Variants in SPC24 observed in about 807,000 individuals in gnomAD.
SPC24 encodes SPC24 component of NDC80 kinetochore complex.
SPC24 carries 31 observed loss-of-function variants against 27.6 expected under a neutral mutation model. That is an observed-to-expected ratio of 1.12 (90% CI 0.84 to 1.52). SPC24 has a LOEUF of 1.52. Among genes scored for constraint, SPC24 ranks in the 40% most tolerant of loss-of-function variants. The pLI, the probability that SPC24 is intolerant of heterozygous loss-of-function variation, is 0.00. For missense variants in SPC24, 284 were observed against 252.5 expected, an observed-to-expected ratio of 1.12 and a Z score of -0.84; for synonymous variants, 105 against 105.8, an observed-to-expected ratio of 0.99 and a Z score of 0.05.
intron 1 of SPC24, among the ~76,000 whole-genome samples, chr19:11,154,254 T>C (rs749200525): frequency 6.6e-6 from 1 of 151,792 alleles, no homozygotes; most frequent in Non-Finnish European, 1.5e-5. Context: ...TGGACGGAAA[T>C]TCTGGCCAGG....
chr19:11,149,478 G>GA, intron 1 of SPC24: 1 of 304,212 alleles, frequency 3.3e-6, no homozygotes, highest in South Asian at 1.3e-4. Flanking sequence ...GGCCAGGCAT[G>GA]GTGGCTCATG....
chr19:11,154,668 T>C (rs573462235), intron 1 of SPC24, among the ~76,000 whole-genome samples: 3 of 118,456 alleles, frequency 2.5e-5, no homozygotes, highest in South Asian at 2.8e-4. Flanking sequence ...CTAGGAAGGG[T>C]AGATATTGTA....
intron 1 of SPC24, among the ~76,000 whole-genome samples, chr19:11,149,854 G>A (rs1039348405): frequency 3.3e-5 from 5 of 151,352 alleles, no homozygotes; most frequent in Non-Finnish European, 7.4e-5. Flanking sequence ...GGGATTACAT[G>A]CGCCTGCCAC....
In SPC24 at chr19:11,147,018, T is replaced by C; in HGVS notation, c.*165A>G. On this transcript the variant is annotated 3_prime_UTR_variant, in exon 5 of 5. Coordinates refer to ENST00000592540, the MANE Select transcript of SPC24 (RefSeq NM_182513.4). The stretch of plus-strand genomic sequence containing the variant: ...TCGCTTGAACCCAGGAGGCAGAGGT[T>C]GCTGTGAGCTGAGATTGTGCCATTG... 2.3e-6 allele frequency: 1 copy of C among 439,080 alleles called. No homozygotes were observed. The highest frequency in any genetic ancestry group is 4.1e-6 in the Non-Finnish European group (1 of 244,664). The allele number at this position is 439,080 out of a possible 1,614,324, so 27.2% of individuals were successfully genotyped here.
chr19:11,153,863 C>T (rs1161818711), intron 1 of SPC24, among the ~76,000 whole-genome samples: 4 of 150,592 alleles, frequency 2.7e-5, no homozygotes, highest in Non-Finnish European at 5.9e-5. Flanking sequence ...GTCAGGAGAT[C>T]GAGACCATCC....
intron 2 of SPC24, among the ~76,000 whole-genome samples, chr19:11,148,369 T>C (rs1471296136): frequency 6.6e-6 from 1 of 151,912 alleles, no homozygotes; most frequent in Non-Finnish European, 1.5e-5. Flanking sequence ...CACCATGCCC[T>C]GCTAATTTTT....
At chr19:11,154,506 T>G (rs2077896669) in intron 1 of SPC24, among the ~76,000 whole-genome samples, 1 of 152,100 alleles carries the variant, frequency 6.6e-6, no homozygotes, top group African/African-American at 2.4e-5. Flanking sequence ...ACCACTGCAT[T>G]CAAGCCAGGG....
intron 1 of SPC24, among the ~76,000 whole-genome samples, chr19:11,153,942 C>T (rs140181075): frequency 0.03 from 4,537 of 151,404 alleles, 86 homozygotes; most frequent in Middle Eastern, 0.065. Flanking sequence ...GGCGTGGTGG[C>T]GGGCACCTGT....
At chr19:11,148,217 C>G in intron 2 of SPC24, 100 bp from the exon 3 acceptor site, 1 of 741,246 alleles carries the variant, frequency 1.3e-6, no homozygotes, top group South Asian at 1.7e-5. Flanking sequence ...TACGCACACT[C>G]TCTTCTTTGA....
At chr19:11,149,324 G>A in intron 1 of SPC24, 86 bp from the exon 2 acceptor site, 1 of 1,271,774 alleles carries the variant, frequency 7.9e-7, no homozygotes. Context: ...GCCTCCACTG[G>A]CAAGAAACAT....
intron 1 of SPC24, among the ~76,000 whole-genome samples, chr19:11,150,434 C>T (rs976476602): frequency 2.6e-5 from 4 of 151,374 alleles, no homozygotes; most frequent in South Asian, 2.1e-4. Context: ...TGCGGTGAGC[C>T]GACATCGCGC....
chr19:11,147,892 T>G lies in SPC24; in HGVS notation c.413A>C (p.Tyr138Ser). 1.3e-6 allele frequency: 2 copies of G among 1,515,304 alleles called. No individual in the cohort carries two copies. The highest frequency in any genetic ancestry group is 1.8e-6 in the Non-Finnish European group (2 of 1,112,132). 93.9% of individuals were successfully genotyped at this position (1,515,304 alleles called of 1,614,324 possible). A position where few individuals can be genotyped will look rare whatever the true frequency, so the allele number is the denominator to read the frequency against. Residue 138 changes from tyrosine (Y) to serine (S), a missense_variant and splice_region_variant, in exon 4 of 5, where the codon TAC (tyrosine) becomes TCC (serine). Coordinates refer to ENST00000592540, the MANE Select transcript of SPC24 (RefSeq NM_182513.4). ...AACTTGGTGGTAAAGTTGAGCCACG[T>G]ACCTGTACAGGAAGACAAAAAAAAA... ...DTTVTIPSAV[Y>S]VAQLYHQVSK...
intron 1 of SPC24, among the ~76,000 whole-genome samples, chr19:11,152,539 C>T (rs866668279): frequency 2.2e-4 from 34 of 152,058 alleles, no homozygotes; most frequent in Middle Eastern, 3.2e-3. Flanking sequence ...CTCTGCCCCA[C>T]ATCTGTGACA....
rs976609063 is a variant in SPC24, at chr19:11,149,164, C to A, written c.235G>T (p.Glu79Ter). 2.6e-6 allele frequency: 4 copies of A among 1,550,130 alleles called. No individual in the cohort carries two copies. Among genetic ancestry groups the A allele is most frequent in the African/African-American group, 1.4e-5 (1 of 73,000 alleles). ...AKEQVHQGGV[E>*]LQQLEAGLQE... ...AGCCCAGCTTCCAGCTGCTGCAGCT[C>A]CACGCCTCCCTGGTGCACCTGCTCC... Residue 79 changes from glutamate to a stop codon, truncating the protein, a stop_gained, in exon 2 of 5, where the codon GAG (glutamate) becomes TAG (stop). Transcript: ENST00000592540. LOFTEE classifies it high-confidence loss of function.
chr19:11,148,066 C>T lies in SPC24; in HGVS notation c.357G>A (p.Glu119=). ...CCTCGTCGACCTCCTTCTCCTGTCG[C>T]TCCAGATCCGCCTCAATCTCCTTGA... ...EELKEIEADL[E]RQEKEVDEDT... The change falls in exon 3 of 5, where the codon GAG becomes GAA. Residue 119 remains glutamate (E), a synonymous_variant. Transcript: ENST00000592540. 1.2e-6 allele frequency: 2 copies of T among 1,613,902 alleles called. No individual in the cohort carries two copies. Among genetic ancestry groups the T allele is most frequent in the Non-Finnish European group, 8.5e-7 (1 of 1,179,888 alleles).
intron 1 of SPC24, among the ~76,000 whole-genome samples, chr19:11,153,393 G>A (rs1042495070): frequency 2.0e-5 from 3 of 151,562 alleles, no homozygotes; most frequent in Non-Finnish European, 4.4e-5. Flanking sequence ...AGCTCGCAGT[G>A]AGCCAAGATC....
intron 1 of SPC24, among the ~76,000 whole-genome samples, chr19:11,154,685 C>CT (rs1204242811): frequency 1.7e-5 from 1 of 59,158 alleles, no homozygotes; most frequent in African/African-American, 8.1e-5. Context: ...TGTACAATTC[C>CT]TCGTAAGGTT....
At chr19:11,150,277 A>G (rs28778390) in intron 1 of SPC24, among the ~76,000 whole-genome samples, 5,031 of 151,004 alleles carry the variant, frequency 0.033, 284 homozygotes, top group African/African-American at 0.12. Context: ...ACCTGAGGTC[A>G]GGAGTTCGAG....
Position 11,145,601 on chromosome 19 carries a change from C to T in SPC24, c.*1582G>A, listed in dbSNP as rs901916433. The T allele has an allele frequency of 1.3e-5, 2 of 152,144 alleles. No homozygotes were observed. The highest frequency in any genetic ancestry group is 2.9e-5 in the Non-Finnish European group (2 of 68,050). 9.4% of individuals were successfully genotyped at this position (152,144 alleles called of 1,614,324 possible). On this transcript the variant is annotated 3_prime_UTR_variant, in exon 5 of 5. Transcript: ENST00000592540. ...GAGATTGGTTCTCCCCTTCTCTCTC[C>T]CATTTAAATAAGTTTGTGCTGATAT...
Sources: gnomAD v4.1 joint callset for allele counts (sites outside exome capture counted in the v4.1 genomes callset) on GRCh38, gnomAD v4.1.1 for gene constraint, MANE v1.5 for transcripts, NCBI Gene and HGNC (gene_info 2026-07-23, HGNC 2026-07-21) for gene names.